Variants in UBE2E2 observed in about 807,000 individuals in gnomAD.
UBE2E2 encodes the protein ubiquitin-conjugating enzyme E2 E2.
In UBE2E2, 6 loss-of-function variants were observed where a neutral mutation model predicts 24.7. That is an observed-to-expected ratio of 0.24 (90% CI 0.13 to 0.48). UBE2E2 has a LOEUF of 0.48. Among genes scored for constraint, UBE2E2 ranks in the 20% least tolerant of loss-of-function variants. The probability of loss-of-function intolerance (pLI) is 0.99; values close to 1 mark genes in which losing one functional copy is unlikely to be tolerated. For synonymous variants in UBE2E2, 104 were observed against 83.6 expected, an observed-to-expected ratio of 1.24 and a Z score of -1.33; for missense variants, 169 against 245.0, an observed-to-expected ratio of 0.69 and a Z score of 2.07.
intron 3 of UBE2E2, among the ~76,000 whole-genome samples, chr3:23,253,757 A>G (rs1230911655): frequency 6.6e-6 from 1 of 152,234 alleles, no homozygotes; most frequent in African/African-American, 2.4e-5. Context: ...TATATCCAAT[A>G]AAAATAAATA....
chr3:23,507,871 A>G (rs1181624587), intron 4 of UBE2E2, among the ~76,000 whole-genome samples: 1 of 152,170 alleles, frequency 6.6e-6, no homozygotes, highest in East Asian at 1.9e-4. Context: ...TTTGCCAGGA[A>G]TCCTCTTTCC....
chr3:23,504,912 C>CTTTTTTTTTT (rs150970405), intron 4 of UBE2E2, among the ~76,000 whole-genome samples: 2 of 95,066 alleles, frequency 2.1e-5, no homozygotes, highest in Non-Finnish European at 4.0e-5. Flanking sequence ...GACATTCTTT[C>CTTTTTTTTTT]TTTTTTTTTT....
chr3:23,384,433 G>A (rs1470358809), intron 3 of UBE2E2, among the ~76,000 whole-genome samples: 4 of 152,082 alleles, frequency 2.6e-5, no homozygotes, highest in Admixed American at 6.5e-5. Context: ...AAAAGTGCTG[G>A]GATTACAGGT....
At chr3:23,460,753 A>G (rs541968422) in intron 3 of UBE2E2, among the ~76,000 whole-genome samples, 19 of 152,322 alleles carry the variant, frequency 1.2e-4, no homozygotes, top group African/African-American at 4.3e-4. Context: ...GGCAGGAGGA[A>G]TTGAAAGTGG....
intron 3 of UBE2E2, among the ~76,000 whole-genome samples, chr3:23,250,012 T>C (rs1575503344): frequency 6.6e-6 from 1 of 152,234 alleles, no homozygotes; most frequent in East Asian, 1.9e-4. Flanking sequence ...TGGTAAGTTA[T>C]ATGCCAGACA....
chr3:23,289,395 G>T (rs1312983398), intron 3 of UBE2E2, among the ~76,000 whole-genome samples: 2 of 152,188 alleles, frequency 1.3e-5, no homozygotes, highest in Admixed American at 1.3e-4. Context: ...TACTCACACA[G>T]TGAAGGTTTG....
intron 3 of UBE2E2, 109 bp downstream of exon 3, chr3:23,217,421 C>T: frequency 2.0e-6 from 2 of 1,013,242 alleles, no homozygotes; most frequent in South Asian, 1.4e-5. Flanking sequence ...GTAAAAACAT[C>T]ATTGTTGTTT....
intron 3 of UBE2E2, among the ~76,000 whole-genome samples, chr3:23,321,195 G>A (rs1369487678): frequency 6.6e-6 from 1 of 152,174 alleles, no homozygotes; most frequent in African/African-American, 2.4e-5. Context: ...AAGGATATCA[G>A]TCATACTGGT....
intron 3 of UBE2E2, among the ~76,000 whole-genome samples, chr3:23,376,876 G>A (rs1696535614): frequency 6.6e-6 from 1 of 152,178 alleles, no homozygotes; most frequent in African/African-American, 2.4e-5. Flanking sequence ...CTGATAAGGT[G>A]TGATGTGACA....
At chr3:23,386,573 C>G (rs1696809993) in intron 3 of UBE2E2, among the ~76,000 whole-genome samples, 1 of 152,040 alleles carries the variant, frequency 6.6e-6, no homozygotes, top group Non-Finnish European at 1.5e-5. Context: ...ATTACCAAAC[C>G]AGAACAATTC....
At chr3:23,252,591 G>T (rs989617305) in intron 3 of UBE2E2, among the ~76,000 whole-genome samples, 1 of 152,124 alleles carries the variant, frequency 6.6e-6, no homozygotes, top group African/African-American at 2.4e-5. Flanking sequence ...CTGCCTCCTC[G>T]GTTCAAGCGA....
At chr3:23,281,651 G>C (rs1466419077) in intron 3 of UBE2E2, among the ~76,000 whole-genome samples, 1 of 152,032 alleles carries the variant, frequency 6.6e-6, no homozygotes, top group Non-Finnish European at 1.5e-5. Flanking sequence ...AAAAAAGAAG[G>C]AGAAGGAGGA....
At chr3:23,561,302 T>G (rs1221537036) in intron 5 of UBE2E2, among the ~76,000 whole-genome samples, 1 of 152,242 alleles carries the variant, frequency 6.6e-6, no homozygotes, top group Non-Finnish European at 1.5e-5. Flanking sequence ...CTAGCCAGTT[T>G]TCTCAGCACC....
intron 4 of UBE2E2, among the ~76,000 whole-genome samples, chr3:23,506,833 A>T (rs572961989): frequency 1.1e-4 from 17 of 152,050 alleles, no homozygotes; most frequent in Admixed American, 1.1e-3. Context: ...GGGTTTCGCC[A>T]TGTTGCCCAG....
intron 3 of UBE2E2, among the ~76,000 whole-genome samples, chr3:23,437,190 C>T (rs950948356): frequency 1.3e-5 from 2 of 152,200 alleles, no homozygotes; most frequent in African/African-American, 4.8e-5. Context: ...CAGGGCCTTT[C>T]TCCTTGTAGT....
intron 3 of UBE2E2, among the ~76,000 whole-genome samples, chr3:23,265,408 G>A (rs1698021004): frequency 6.6e-6 from 1 of 152,130 alleles, no homozygotes; most frequent in Admixed American, 6.5e-5. Flanking sequence ...AATGAAGCAT[G>A]CATAACCAGA....
chr3:23,438,617 C>T (rs1698233775), intron 3 of UBE2E2, among the ~76,000 whole-genome samples: 1 of 152,136 alleles, frequency 6.6e-6, no homozygotes, highest in South Asian at 2.1e-4. Context: ...ACAGCTTAGT[C>T]ATGTGTTCTT....
chr3:23,399,099 T>C (rs1023918033), intron 3 of UBE2E2, among the ~76,000 whole-genome samples: 2 of 152,188 alleles, frequency 1.3e-5, no homozygotes, highest in Admixed American at 6.5e-5. Context: ...TCTTAACTAA[T>C]AGGCATTTAT....
intron 5 of UBE2E2, among the ~76,000 whole-genome samples, chr3:23,567,157 A>G (rs1410622977): frequency 6.6e-6 from 1 of 152,244 alleles, no homozygotes; most frequent in Non-Finnish European, 1.5e-5. Flanking sequence ...TGCCAGCAGA[A>G]AGATGGAAAA....
Sources: gnomAD v4.1 joint callset for allele counts (sites outside exome capture counted in the v4.1 genomes callset) on GRCh38, gnomAD v4.1.1 for gene constraint, MANE v1.5 for transcripts, NCBI Gene and HGNC (gene_info 2026-07-23, HGNC 2026-07-21) for gene names.